ARHGAP25: variants seen among roughly 807,000 people sequenced by gnomAD.
ARHGAP25 encodes Rho GTPase activating protein 25.
A neutral mutation model predicts 71.0 loss-of-function variants in ARHGAP25; 34 were observed. The ratio of observed to expected loss-of-function variants is 0.48; its 90% CI spans 0.36 to 0.64. The LOEUF (loss-of-function observed/expected upper bound fraction) is 0.64, where lower values mean the gene tolerates loss of function less well. Ranked by LOEUF, ARHGAP25 falls within the 30% of genes least tolerant of loss-of-function variation. The probability of loss-of-function intolerance (pLI) is 0.00; values close to 1 mark genes in which losing one functional copy is unlikely to be tolerated. For synonymous variants in ARHGAP25, 282 were observed against 296.5 expected (o/e 0.95, Z 0.50); for missense variants, 706 against 805.1 (o/e 0.88, Z 1.49).
chr2:68,787,816 C>A (rs754451179), intron 3 of ARHGAP25, 24 bp from the exon 4 acceptor site: 1 of 1,593,760 alleles, frequency 6.3e-7, no homozygotes, highest in Non-Finnish European at 8.6e-7. Context: ...CTAAGACCTT[C>A]ACAAGTGCTA....
At chr2:68,788,259 T>C (rs191652254) in intron 4 of ARHGAP25, among the ~76,000 whole-genome samples, 39 of 152,320 alleles carry the variant, frequency 2.6e-4, no homozygotes, top group South Asian at 2.3e-3. Context: ...CTTTCTCCTC[T>C]CTGGGCCAAA....
chr2:68,732,863 C>G (rs77940490), upstream of ARHGAP25, among the ~76,000 whole-genome samples: 1,346 of 152,332 alleles, frequency 8.8e-3, 24 homozygotes, highest in African/African-American at 0.03. Context: ...CAGGTCACCA[C>G]TGTTCCTTCA....
intron 4 of ARHGAP25, among the ~76,000 whole-genome samples, chr2:68,798,159 T>C (rs1478805325): frequency 2.0e-5 from 3 of 152,256 alleles, no homozygotes; most frequent in Non-Finnish European, 2.9e-5. Flanking sequence ...AAGCATACTG[T>C]ATGTAAATAT....
intron 1 of ARHGAP25, among the ~76,000 whole-genome samples, chr2:68,736,220 G>C (rs71413159): frequency 0.05 from 7,622 of 152,182 alleles, 267 homozygotes; most frequent in Middle Eastern, 0.088. Flanking sequence ...AGTCACAAGC[G>C]GAGCATTAAT....
At chr2:68,787,046 A>G (rs1018508577) in intron 3 of ARHGAP25, among the ~76,000 whole-genome samples, 3 of 152,230 alleles carry the variant, frequency 2.0e-5, no homozygotes, top group Admixed American at 1.3e-4. Context: ...AACTAACTGC[A>G]TGGTCCAAGA....
In ARHGAP25 at chr2:68,826,398, T is replaced by C; in HGVS notation, c.*204T>C. On this transcript the variant is annotated 3_prime_UTR_variant, in exon 11 of 11. Transcript: ENST00000409202. ...AGATGTGTGTGGACATCTCTGACCA[T>C]CCATCGCTGTATTCAAATGGATTGT... 1 of 682,828 alleles carries C rather than the reference T, an allele frequency of 1.5e-6. No individual in the cohort carries two copies. The highest frequency in any genetic ancestry group is 2.7e-5 in the East Asian group (1 of 36,496). The allele number at this position is 682,828 out of a possible 1,614,324, so 42.3% of individuals were successfully genotyped here. A position where few individuals can be genotyped will look rare whatever the true frequency, so the allele number is the denominator to read the frequency against.
At position 68,795,908 on chromosome 2, in the gene ARHGAP25, G is replaced by A. The variant is rs552551391; in HGVS notation, c.466+7952G>A. The stretch of plus-strand genomic sequence containing the variant: ...CTGTCAATCTCTTTTTTAGTTTTAG[G>A]TCAGTAATATTTGTTTCATGAATCT... On this transcript the variant is annotated intron_variant, in intron 4 of 10. Coordinates refer to ENST00000409202, the MANE Select transcript of ARHGAP25 (RefSeq NM_001007231.3). 3.9e-5 allele frequency among the ~76,000 whole-genome samples: 6 copies of A among 152,158 alleles called. No individual in the cohort carries two copies. The South Asian group carries it at 8.3e-4, about 21-fold the overall frequency.
At chr2:68,824,563 A>G (rs1056989444) in intron 10 of ARHGAP25, among the ~76,000 whole-genome samples, 1 of 152,202 alleles carries the variant, frequency 6.6e-6, no homozygotes, top group Non-Finnish European at 1.5e-5. Context: ...TAACACGGTG[A>G]AACCATGTCT....
At chr2:68,775,918 A>ACGCC in intron 2 of ARHGAP25, 1 of 320,720 alleles carries the variant, frequency 3.1e-6, no homozygotes, top group Non-Finnish European at 6.1e-6. Flanking sequence ...TAAGAAAAGT[A>ACGCC]TGTAGTTTGT....
At chr2:68,732,955 G>T (rs191054954), upstream of ARHGAP25, among the ~76,000 whole-genome samples, 1 of 152,310 alleles carries the variant, frequency 6.6e-6, no homozygotes, top group East Asian at 1.9e-4. Flanking sequence ...CATGTGATTT[G>T]GAGTTCAGGG....
Position 68,822,742 on chromosome 2 carries a change from C to T in ARHGAP25, c.1603C>T (p.Pro535Ser), listed in dbSNP as rs933885807. The change falls in exon 10 of 11, where the codon CCA becomes TCA. Residue 535 changes from proline (P) to serine (S), a missense_variant. Physicochemically the swap from Pro to Ser is moderately conservative, Grantham distance 74. Coordinates refer to ENST00000409202, the MANE Select transcript of ARHGAP25 (RefSeq NM_001007231.3). ...CDSKGDTLAS[P>S]NSETGPGKKN... ...CTCCAAGGGAGATACTCTTGCCAGT[C>T]CAAACTCTGAAACTGGGCCTGGAAA... is the stretch of plus-strand genomic sequence containing the variant. 2 of 1,614,064 alleles carry T rather than the reference C, an allele frequency of 1.2e-6. No homozygotes were observed. Among genetic ancestry groups the T allele is most frequent in the African/African-American group, 1.3e-5 (1 of 74,912 alleles).
At chr2:68,753,598 T>C (rs1676308619) in intron 1 of ARHGAP25, among the ~76,000 whole-genome samples, 1 of 152,152 alleles carries the variant, frequency 6.6e-6, no homozygotes. Context: ...CAAAGCTAAA[T>C]GATGGGGTGC....
In ARHGAP25 at chr2:68,826,454, C is replaced by G. The variant is rs141658808; in HGVS notation, c.*260C>G. 550 of 556,008 alleles carry G rather than the reference C, an allele frequency of 9.9e-4. No individual in the cohort carries two copies. Among genetic ancestry groups the G allele is most frequent in the African/African-American group, 8.0e-3 (429 of 53,692 alleles). 34.4% of individuals were successfully genotyped at this position (556,008 alleles called of 1,614,324 possible). On this transcript the variant is annotated 3_prime_UTR_variant, in exon 11 of 11. Transcript: ENST00000409202. ...TCCATTCTGGTCTCAGGCATGACCA[C>G]GTCCAGTGAAGACATTTGAGGCAGC...
chr2:68,798,510 G>GGA (rs1679734560), intron 4 of ARHGAP25, among the ~76,000 whole-genome samples: 2 of 64,890 alleles, frequency 3.1e-5, no homozygotes, highest in South Asian at 5.8e-4. Context: ...GAGAGAAAGA[G>GGA]GAGAGAGAAA....
chr2:68,770,413 GA>G (rs1370011248), intron 1 of ARHGAP25, among the ~76,000 whole-genome samples: 4 of 152,170 alleles, frequency 2.6e-5, no homozygotes, highest in African/African-American at 7.2e-5. Flanking sequence ...CCCCAGCTCT[GA>G]AAGAACTATT....
chr2:68,782,127 T>G, intron 2 of ARHGAP25, 106 bp from the exon 3 acceptor site: 1 of 1,013,390 alleles, frequency 9.9e-7, no homozygotes, highest in Non-Finnish European at 1.5e-6. Context: ...GTCCCTATCC[T>G]CCTACTCTCC....
chr2:68,797,830 G>C (rs1371666983), intron 4 of ARHGAP25, among the ~76,000 whole-genome samples: 1 of 152,198 alleles, frequency 6.6e-6, no homozygotes, highest in African/African-American at 2.4e-5. Flanking sequence ...CTACGGCCTG[G>C]ATTGTATAAT....
intron 3 of ARHGAP25, among the ~76,000 whole-genome samples, chr2:68,783,656 G>T (rs1035507667): frequency 2.6e-5 from 4 of 151,960 alleles, no homozygotes; most frequent in Admixed American, 2.0e-4. Context: ...TAGAGACAGG[G>T]TTTCACATGT....
intron 2 of ARHGAP25, among the ~76,000 whole-genome samples, chr2:68,718,370 T>C (rs1323473938): frequency 2.6e-5 from 4 of 152,186 alleles, no homozygotes; most frequent in Non-Finnish European, 4.4e-5. Context: ...AACTTTGTTT[T>C]GTACTCACAC....
Sources: gnomAD v4.1 joint callset for allele counts (sites outside exome capture counted in the v4.1 genomes callset) on GRCh38, gnomAD v4.1.1 for gene constraint, MANE v1.5 for transcripts, NCBI Gene and HGNC (gene_info 2026-07-23, HGNC 2026-07-21) for gene names.